The following RGS7 variants were observed in gnomAD, a reference collection of about 807,000 sequenced individuals.
The protein encoded by RGS7 is regulator of G protein signaling 7, also known as regulator of G-protein signaling 7.
A neutral mutation model predicts 81.1 loss-of-function variants in RGS7; 27 were observed. The ratio of observed to expected loss-of-function variants is 0.33; its 90% CI spans 0.25 to 0.46. RGS7 has a LOEUF of 0.46. RGS7 is among the 20% of genes least tolerant of loss of function. RGS7 has a pLI of 1.00. For missense variants in RGS7, 396 were observed against 607.4 expected, an observed-to-expected ratio of 0.65 and a Z score of 3.66; for synonymous variants, 208 against 207.7, an observed-to-expected ratio of 1.00 and a Z score of -0.01.
At chr1:240,895,363 T>C (rs370852330) in intron 6 of RGS7, among the ~76,000 whole-genome samples, 3 of 152,118 alleles carry the variant, frequency 2.0e-5, no homozygotes, top group East Asian at 3.9e-4. Context: ...TACATATACA[T>C]GTGCCATGTT....
At chr1:240,823,466 C>CG (rs1301840230) in intron 10 of RGS7, 2 of 227,964 alleles carry the variant, frequency 8.8e-6, no homozygotes, top group East Asian at 1.3e-4. Context: ...ACACGGGCTG[C>CG]GGCCGGGTCC....
chr1:241,193,789 T>C lies in RGS7; in HGVS notation c.79-95027A>G, dbSNP rs574589392. ...GAAAGAATGTGACTTTCAGGTGAGA[T>C]CAGCAAAGAAGGATTCCCTCTGCCA... On this transcript the variant is annotated intron_variant, in intron 2 of 18. Coordinates refer to ENST00000440928, the MANE Select transcript of RGS7 (RefSeq NM_001364886.1). Among the ~76,000 whole-genome samples, 12 of 152,288 alleles carry C rather than the reference T, an allele frequency of 7.9e-5. 1 individual carries two copies. In the East Asian group the frequency reaches 2.3e-3, roughly 29 times the overall value.
intron 2 of RGS7, among the ~76,000 whole-genome samples, chr1:241,329,774 A>G (rs1348142656): frequency 2.6e-5 from 4 of 152,124 alleles, no homozygotes; most frequent in Admixed American, 2.6e-4. Flanking sequence ...GAAATCCTGG[A>G]AACATTTGAC....
chr1:241,010,148 C>T (rs1399404179), intron 3 of RGS7, among the ~76,000 whole-genome samples: 5 of 152,078 alleles, frequency 3.3e-5, no homozygotes, highest in Admixed American at 2.6e-4. Context: ...CAAACCTGCA[C>T]GTTGTGCACA....
chr1:241,269,650 A>G (rs1015357686), intron 2 of RGS7, among the ~76,000 whole-genome samples: 5 of 152,194 alleles, frequency 3.3e-5, no homozygotes, highest in Non-Finnish European at 5.9e-5. Context: ...AGACAAATTG[A>G]AAAGGGAAGA....
At chr1:241,073,161 C>T (rs2062580011) in intron 3 of RGS7, among the ~76,000 whole-genome samples, 1 of 152,186 alleles carries the variant, frequency 6.6e-6, no homozygotes. Flanking sequence ...CCATCACTTC[C>T]CTTCCTTTAT....
chr1:240,789,555 G>A (rs1293013219), intron 18 of RGS7, among the ~76,000 whole-genome samples: 1 of 152,196 alleles, frequency 6.6e-6, no homozygotes, highest in African/African-American at 2.4e-5. Context: ...TCCCTGAGGG[G>A]AGGCCTCTGA....
At chr1:241,295,166 C>A (rs561182330) in intron 2 of RGS7, among the ~76,000 whole-genome samples, 1 of 151,972 alleles carries the variant, frequency 6.6e-6, no homozygotes, top group Non-Finnish European at 1.5e-5. Flanking sequence ...GATATGTTTG[C>A]GGCCGGGTGC....
At chr1:241,251,112 T>C (rs2076806739) in intron 2 of RGS7, among the ~76,000 whole-genome samples, 1 of 152,240 alleles carries the variant, frequency 6.6e-6, no homozygotes, top group Non-Finnish European at 1.5e-5. Context: ...TGAAAGTATC[T>C]ACACACTTTT....
intron 2 of RGS7, among the ~76,000 whole-genome samples, chr1:241,335,315 G>T (rs1000638104): frequency 3.9e-5 from 6 of 152,202 alleles, no homozygotes; most frequent in African/African-American, 1.4e-4. Flanking sequence ...TAGTAATAAT[G>T]TCGGGACCAG....
chr1:241,270,048 C>A (rs2077790718), intron 2 of RGS7, among the ~76,000 whole-genome samples: 1 of 152,176 alleles, frequency 6.6e-6, no homozygotes, highest in African/African-American at 2.4e-5. Context: ...AACTCAGGGA[C>A]CTTGAGTATC....
intron 2 of RGS7, among the ~76,000 whole-genome samples, chr1:241,352,930 T>C (rs1424780388): frequency 6.6e-6 from 1 of 152,238 alleles, no homozygotes; most frequent in Non-Finnish European, 1.5e-5. Context: ...CTTGAGTGTG[T>C]GTAAATCATC....
intron 2 of RGS7, among the ~76,000 whole-genome samples, chr1:241,196,090 A>C (rs2073047190): frequency 6.6e-6 from 1 of 151,590 alleles, no homozygotes; most frequent in South Asian, 2.1e-4. Context: ...TCTTAAAAAA[A>C]GAAAGAGATA....
rs1282973815 is a variant in RGS7 at position 241,335,992 on chromosome 1, GATT to G, written c.78+19704_78+19706del. On this transcript the variant is annotated intron_variant, in intron 2 of 18. Coordinates refer to ENST00000440928, the MANE Select transcript of RGS7 (RefSeq NM_001364886.1). ...TAGAGTTGTTATGTTAGAGTAGTGT[GATT>G]ATGATTGCTTCTTCTTCTTCTTTTT... Among the ~76,000 whole-genome samples the G allele has an allele frequency of 2.0e-5, 3 of 152,026 alleles. No individual in the cohort carries two copies. The East Asian group carries it at 5.8e-4, about 29-fold the overall frequency.
intron 2 of RGS7, among the ~76,000 whole-genome samples, chr1:241,180,261 G>A (rs1250839600): frequency 6.6e-6 from 1 of 152,094 alleles, no homozygotes; most frequent in African/African-American, 2.4e-5. Flanking sequence ...TGTAGTCTCA[G>A]CTACTCGGGA....
At chr1:241,334,299 C>T (rs945285677) in intron 2 of RGS7, among the ~76,000 whole-genome samples, 2 of 151,982 alleles carry the variant, frequency 1.3e-5, no homozygotes, top group Non-Finnish European at 2.9e-5. Context: ...ATCACAAGGC[C>T]GGTGGTTGAA....
intron 18 of RGS7, among the ~76,000 whole-genome samples, chr1:240,800,332 A>C (rs1017784389): frequency 6.6e-5 from 10 of 152,168 alleles, no homozygotes; most frequent in Admixed American, 5.9e-4. Context: ...TAATTCATGC[A>C]ATCACATTGA....
At chr1:241,133,963 A>G (rs2067303318) in intron 2 of RGS7, among the ~76,000 whole-genome samples, 1 of 152,144 alleles carries the variant, frequency 6.6e-6, no homozygotes, top group African/African-American at 2.4e-5. Flanking sequence ...AGAAAGGGAG[A>G]CAGAGAATGA....
chr1:240,920,338 G>A, intron 6 of RGS7: 1 of 1,526,398 alleles, frequency 6.6e-7, no homozygotes, highest in South Asian at 1.1e-5. Context: ...GGCTTTGGTG[G>A]CAGCTGTTGT....
Sources: allele counts gnomAD v4.1 joint callset (sites outside exome capture counted in the v4.1 genomes callset), GRCh38; gene constraint gnomAD v4.1.1; transcripts MANE v1.5; gene names NCBI Gene and HGNC (gene_info 2026-07-23, HGNC 2026-07-21).